Variants in BICDL1 observed in about 807,000 individuals in gnomAD.
BICDL1 encodes BICD family-like cargo adapter 1.
A neutral mutation model predicts 76.8 loss-of-function variants in BICDL1; 20 were observed. That is an observed-to-expected ratio of 0.26 (90% CI 0.18 to 0.38). The LOEUF is 0.38. Ranked by LOEUF, BICDL1 falls within the 10% of genes least tolerant of loss-of-function variation. BICDL1 has a pLI of 1.00. For synonymous variants in BICDL1, 383 were observed against 337.1 expected (o/e 1.14, Z -1.49); for missense variants, 700 against 798.6 (o/e 0.88, Z 1.49).
chr12:120,042,116 G>A (rs904964187), intron 2 of BICDL1, among the ~76,000 whole-genome samples: 14 of 152,106 alleles, frequency 9.2e-5, no homozygotes, highest in Admixed American at 2.0e-4. Context: ...ACTAGGATGG[G>A]AGAGTGGAGG....
At chr12:120,051,245 A>C (rs1482296741) in intron 2 of BICDL1, among the ~76,000 whole-genome samples, 1 of 151,966 alleles carries the variant, frequency 6.6e-6, no homozygotes, top group African/African-American at 2.4e-5. Flanking sequence ...ACGGCATTTC[A>C]CCATGTTGGC....
intron 6 of BICDL1, among the ~76,000 whole-genome samples, chr12:120,073,283 T>A (rs550583375): frequency 6.6e-6 from 1 of 152,342 alleles, no homozygotes; most frequent in Non-Finnish European, 1.5e-5. Flanking sequence ...TAGAGCCTTT[T>A]TCTCCAGGTA....
At chr12:120,010,823 G>A (rs1036800965) in intron 2 of BICDL1, among the ~76,000 whole-genome samples, 28 of 152,208 alleles carry the variant, frequency 1.8e-4, no homozygotes, top group African/African-American at 5.5e-4. Flanking sequence ...GGGAAGTTAA[G>A]TGATTTGCTC....
intron 2 of BICDL1, among the ~76,000 whole-genome samples, chr12:120,011,268 G>A (rs1240546689): frequency 6.6e-6 from 1 of 152,162 alleles, no homozygotes; most frequent in East Asian, 1.9e-4. Flanking sequence ...CAGTCACATG[G>A]CCATACTCAG....
rs115534368 is a variant in BICDL1, at chr12:120,012,236, T to C, written c.645+13500T>C. 8.0e-3 allele frequency among the ~76,000 whole-genome samples: 1,221 copies of C among 152,244 alleles called. 17 individuals carry two copies. Among genetic ancestry groups the C allele is most frequent in the African/African-American group, 0.027 (1,113 of 41,536 alleles). On this transcript the variant is annotated intron_variant, in intron 2 of 9. Coordinates refer to ENST00000548673, the MANE Select transcript of BICDL1 (RefSeq NM_001367886.1). ...TATTTTCCATTCCAGTCATGACACA[T>C]AAGGTACTTTCCCTGCACACGACTG...
chr12:120,048,994 T>A (rs1952802370), intron 2 of BICDL1, among the ~76,000 whole-genome samples: 1 of 152,226 alleles, frequency 6.6e-6, no homozygotes, highest in African/African-American at 2.4e-5. Context: ...CTTGGCCAGG[T>A]ACTGGACTAG....
In BICDL1 at chr12:119,989,580, C is replaced by T. The variant is rs140135341; in HGVS notation, c.-289C>T. 0.018 allele frequency among the ~76,000 whole-genome samples: 2,696 copies of T among 150,512 alleles called. 69 individuals are homozygous for T. Among genetic ancestry groups the T allele is most frequent in the African/African-American group, 0.059 (2,448 of 41,294 alleles). On this transcript the variant is annotated 5_prime_UTR_variant, in exon 1 of 10. Coordinates refer to ENST00000548673, the MANE Select transcript of BICDL1 (RefSeq NM_001367886.1). ...CTCAGTCTCTGTTCCTGAGTCCTCC[C>T]TTCCCCAGCCTTCCCGTTCCCACCA...
At chr12:120,092,790 T>C (rs1875092863) in intron 9 of BICDL1, 1 of 985,450 alleles carries the variant, frequency 1.0e-6, no homozygotes, top group Non-Finnish European at 1.2e-6. Flanking sequence ...AGCCCAAGCC[T>C]GAGGAGGCTG....
intron 1 of BICDL1, chr12:119,993,015 G>C (rs148030090): frequency 6.7e-6 from 1 of 148,790 alleles, no homozygotes; most frequent in South Asian, 2.1e-4. Flanking sequence ...GTGCAGTGGC[G>C]CAATCTCAGC....
intron 1 of BICDL1, among the ~76,000 whole-genome samples, chr12:119,996,802 G>A (rs1335167543): frequency 6.6e-6 from 1 of 152,142 alleles, no homozygotes; most frequent in Non-Finnish European, 1.5e-5. Context: ...GAATGTTTCT[G>A]AGAGCATCAA....
rs903727721 is a variant in BICDL1, at chr12:120,081,032, C to G, written c.1583+15C>G. ...GCCATTGCAAAGTGAGTAGGGATGG[C>G]TTCACTTTATTCTTAAGATAAAGTT... On this transcript the variant is annotated intron_variant, in intron 8 of 9. Coordinates refer to ENST00000548673, the MANE Select transcript of BICDL1 (RefSeq NM_001367886.1). 1.4e-5 allele frequency: 23 copies of G among 1,610,834 alleles called. No homozygotes were observed. The highest frequency in any genetic ancestry group is 1.7e-4 in the Middle Eastern group (1 of 6,054).
intron 2 of BICDL1, among the ~76,000 whole-genome samples, chr12:120,017,086 CAG>C (rs1361421865): frequency 5.3e-5 from 8 of 152,068 alleles, no homozygotes; most frequent in Non-Finnish European, 8.8e-5. Flanking sequence ...TTAGTAGAGA[CAG>C]GGTTTCACTG....
At chr12:120,053,428 T>G (rs1952907309) in intron 2 of BICDL1, among the ~76,000 whole-genome samples, 1 of 152,212 alleles carries the variant, frequency 6.6e-6, no homozygotes. Flanking sequence ...AGAAGAGCCC[T>G]TTTCCCCGTT....
chr12:120,092,888 A>T (rs1304531623), intron 9 of BICDL1, 112 bp from the exon 10 acceptor site: 1 of 1,459,022 alleles, frequency 6.9e-7, no homozygotes, highest in Non-Finnish European at 9.0e-7. Context: ...GCAGCCTCTC[A>T]CTCATCACAT....
chr12:119,997,471 T>A (rs996704802), intron 1 of BICDL1, among the ~76,000 whole-genome samples: 3 of 152,194 alleles, frequency 2.0e-5, no homozygotes, highest in African/African-American at 7.2e-5. Context: ...CAAGAATGAA[T>A]CAATGTATCA....
chr12:120,005,147 T>C (rs1329644324), intron 2 of BICDL1, among the ~76,000 whole-genome samples: 1 of 152,130 alleles, frequency 6.6e-6, no homozygotes, highest in East Asian at 1.9e-4. Context: ...ATTTTAAAAA[T>C]GTTTATTGTG....
At chr12:120,013,170 C>T (rs867508685) in intron 2 of BICDL1, among the ~76,000 whole-genome samples, 11 of 151,970 alleles carry the variant, frequency 7.2e-5, no homozygotes, top group Middle Eastern at 3.4e-3. Flanking sequence ...AAAAATTAGC[C>T]GGGTCTGGTG....
At chr12:120,063,401 C>G (rs1378170274) in intron 3 of BICDL1, among the ~76,000 whole-genome samples, 1 of 152,152 alleles carries the variant, frequency 6.6e-6, no homozygotes, top group Non-Finnish European at 1.5e-5. Context: ...AGGCCACATA[C>G]TTTGTTTCCC....
intron 1 of BICDL1, among the ~76,000 whole-genome samples, chr12:119,996,113 T>C (rs1951639991): frequency 6.6e-6 from 1 of 152,154 alleles, no homozygotes; most frequent in Non-Finnish European, 1.5e-5. Context: ...CCAAACAGAC[T>C]GTATAAAATA....
Sources: allele counts gnomAD v4.1 joint callset (sites outside exome capture counted in the v4.1 genomes callset), GRCh38; gene constraint gnomAD v4.1.1; transcripts MANE v1.5; gene names NCBI Gene and HGNC (gene_info 2026-07-23, HGNC 2026-07-21).